The following SCN11A variants were observed in gnomAD, a reference collection of about 807,000 sequenced individuals.
SCN11A encodes sodium channel protein type 11 subunit alpha.
SCN11A carries 122 observed loss-of-function variants against 162.2 expected under a neutral mutation model. The observed-to-expected ratio is 0.75, with a 90% CI of 0.65 to 0.87. The LOEUF (loss-of-function observed/expected upper bound fraction) is 0.87. SCN11A is among the 40% of genes least tolerant of loss of function. SCN11A has a pLI of 0.00. For synonymous variants in SCN11A, 758 were observed against 751.5 expected, an observed-to-expected ratio of 1.01 and a Z score of -0.14; for missense variants, 2,015 against 2,181.6, an observed-to-expected ratio of 0.92 and a Z score of 1.52.
At chr3:38,860,058 T>C (rs2064938080) in intron 28 of SCN11A, among the ~76,000 whole-genome samples, 1 of 151,790 alleles carries the variant, frequency 6.6e-6, no homozygotes, top group African/African-American at 2.4e-5. Flanking sequence ...CCTCAACCAG[T>C]TCTGCCATTC....
chr3:38,934,763 C>A (rs1351348832), intron 7 of SCN11A, among the ~76,000 whole-genome samples: 1 of 151,912 alleles, frequency 6.6e-6, no homozygotes, highest in African/African-American at 2.4e-5. Context: ...ACTTAGACTC[C>A]CACACAATAA....
chr3:38,904,905 G>C (rs1003745832), intron 15 of SCN11A, among the ~76,000 whole-genome samples: 3 of 152,160 alleles, frequency 2.0e-5, no homozygotes, highest in Non-Finnish European at 2.9e-5. Context: ...GGCCTGGTTT[G>C]AGGCCCTGTT....
intron 7 of SCN11A, among the ~76,000 whole-genome samples, chr3:38,930,325 T>G (rs911141461): frequency 9.2e-5 from 14 of 152,342 alleles, no homozygotes; most frequent in Non-Finnish European, 1.3e-4. Context: ...TCCTCCTTGC[T>G]TCAGGCTTTT....
chr3:39,022,884 A>C (rs1465122598), intron 2 of SCN11A, among the ~76,000 whole-genome samples: 1 of 152,178 alleles, frequency 6.6e-6, no homozygotes, highest in Non-Finnish European at 1.5e-5. Context: ...GTCTCAAAAA[A>C]AAAATAAATA....
In SCN11A at chr3:39,051,907, A is replaced by C; in HGVS notation, c.-450T>G. On this transcript the variant is annotated 5_prime_UTR_variant, in exon 1 of 30. Transcript: ENST00000302328. ...ACACAGCAACTAACAGCACCGAGGA[A>C]ACACAACAGCCTGTTTACCTTCAGC... 7.8e-7 allele frequency: 1 copy of C among 1,276,666 alleles called. No homozygotes were observed. The highest frequency in any genetic ancestry group is 1.1e-6 in the Non-Finnish European group (1 of 895,392). 79.1% of individuals were successfully genotyped at this position (1,276,666 alleles called of 1,614,324 possible).
At chr3:38,938,486 AAAG>A (rs1442639116) in intron 7 of SCN11A, among the ~76,000 whole-genome samples, 8 of 141,134 alleles carry the variant, frequency 5.7e-5, no homozygotes, top group Non-Finnish European at 4.6e-5. Flanking sequence ...GAAGAAAATA[AAAG>A]AAGGCAGAAG....
At chr3:39,034,502 C>T (rs966198032) in intron 1 of SCN11A, among the ~76,000 whole-genome samples, 4 of 152,174 alleles carry the variant, frequency 2.6e-5, no homozygotes, top group Non-Finnish European at 4.4e-5. Flanking sequence ...CAGTATCAGA[C>T]TAAATGCAGA....
intron 1 of SCN11A, among the ~76,000 whole-genome samples, chr3:39,047,778 G>C (rs2032219251): frequency 6.6e-6 from 1 of 152,100 alleles, no homozygotes; most frequent in South Asian, 2.1e-4. Flanking sequence ...TGAAAAAAAT[G>C]CTCAACATCA....
intron 2 of SCN11A, among the ~76,000 whole-genome samples, chr3:39,027,595 T>C (rs2031623240): frequency 6.6e-6 from 1 of 152,178 alleles, no homozygotes; most frequent in Non-Finnish European, 1.5e-5. Context: ...CTTCTGAAAG[T>C]TTAGCCCCTT....
rs1249782774 is a variant in SCN11A, at chr3:38,909,054, T to G, written c.1242A>C (p.Ile414=). The change falls in exon 13 of 30, where the codon ATA becomes ATC. Residue 414 remains isoleucine (I), a synonymous_variant. Transcript: ENST00000302328. ...CCTGAAACATCTTTTCCTTGGCCTC[T>G]ATCTCTGCAGCTACATTCTTGTTCT... ...EEQNKNVAAE[I]EAKEKMFQEA... 2.5e-6 allele frequency: 4 copies of G among 1,613,960 alleles called. No individual in the cohort carries two copies. The highest frequency in any genetic ancestry group is 3.4e-6 in the Non-Finnish European group (4 of 1,179,996).
At chr3:38,950,039 C>CA in intron 5 of SCN11A, 57 bp downstream of exon 5, 1 of 919,302 alleles carries the variant, frequency 1.1e-6, no homozygotes, top group South Asian at 1.6e-5. Flanking sequence ...ACACCAGTTA[C>CA]AACTGCATGG....
At chr3:38,910,269 T>C in intron 11 of SCN11A, 62 bp from the exon 12 acceptor site, 5 of 1,501,874 alleles carry the variant, frequency 3.3e-6, no homozygotes, top group Non-Finnish European at 4.5e-6. Flanking sequence ...TCTTTTTCCT[T>C]CCAACGACTC....
chr3:38,875,195 C>G (rs2065189315), intron 23 of SCN11A, among the ~76,000 whole-genome samples: 1 of 152,054 alleles, frequency 6.6e-6, no homozygotes, highest in Non-Finnish European at 1.5e-5. Context: ...TAATAGTAAA[C>G]CACATTTGTT....
At chr3:38,964,541 G>C (rs776379737) in intron 2 of SCN11A, among the ~76,000 whole-genome samples, 1 of 152,202 alleles carries the variant, frequency 6.6e-6, no homozygotes, top group African/African-American at 2.4e-5. Flanking sequence ...CACAGAATGG[G>C]ACAGGGAGCA....
intron 7 of SCN11A, among the ~76,000 whole-genome samples, chr3:38,943,698 G>A (rs1310159693): frequency 1.3e-5 from 2 of 152,110 alleles, no homozygotes; most frequent in Non-Finnish European, 2.9e-5. Context: ...ATTCAGAAAT[G>A]AAAACATTAA....
At chr3:38,847,848 C>T (rs2126076914) in intron 29 of SCN11A, 106 bp from the exon 30 acceptor site, 2 of 629,826 alleles carry the variant, frequency 3.2e-6, no homozygotes, top group South Asian at 2.1e-5. Flanking sequence ...TTTATCAATA[C>T]TTTGTAGCTT....
Position 38,905,239 on chromosome 3 carries a change from C to T in SCN11A, c.1556G>A (p.Arg519Lys), listed in dbSNP as rs1559521911. The change falls in exon 15 of 30, where the codon AGG becomes AAG. Residue 519 changes from arginine (R) to lysine (K), a missense_variant. Arg to Lys is a conservative substitution (Grantham distance 26, BLOSUM62 2). Coordinates refer to ENST00000302328, the MANE Select transcript of SCN11A (RefSeq NM_001349253.2). ...GCTGACAGCACTCAGTGCTCTCTGC[C>T]TTTGGAGAGGATCTCCATGCTCATC... ...HFDEHGDPLQRQRALSAVSIL... is the reference protein window; with the variant it reads ...HFDEHGDPLQKQRALSAVSIL... 4 of 1,614,018 alleles carry T rather than the reference C, an allele frequency of 2.5e-6. No homozygotes were observed. The highest frequency in any genetic ancestry group is 3.4e-6 in the Non-Finnish European group (4 of 1,179,930).
At chr3:38,908,864 C>A (rs2065842894) in intron 13 of SCN11A, 133 bp downstream of exon 13, 1 of 742,042 alleles carries the variant, frequency 1.3e-6, no homozygotes, top group Admixed American at 2.3e-5. Flanking sequence ...GACTTATATT[C>A]TCAGAAAAGC....
At chr3:38,869,535 A>G (rs938319698) in intron 26 of SCN11A, among the ~76,000 whole-genome samples, 1 of 152,150 alleles carries the variant, frequency 6.6e-6, no homozygotes, top group Admixed American at 6.5e-5. Flanking sequence ...CACACCCAGA[A>G]TTAAGCAAAC....
Sources: allele counts gnomAD v4.1 joint callset (sites outside exome capture counted in the v4.1 genomes callset), GRCh38; gene constraint gnomAD v4.1.1; transcripts MANE v1.5; gene names NCBI Gene and HGNC (gene_info 2026-07-23, HGNC 2026-07-21).